CFAP58: variants seen among roughly 807,000 people sequenced by gnomAD.
CFAP58 encodes cilia- and flagella-associated protein 58.
A neutral mutation model predicts 119.5 loss-of-function variants in CFAP58; 88 were observed. That is an observed-to-expected ratio of 0.74 (90% CI 0.62 to 0.88). The LOEUF is 0.88. Among genes scored for constraint, CFAP58 ranks in the 40% least tolerant of loss-of-function variants. CFAP58 has a pLI of 0.00. For missense variants in CFAP58, 990 were observed against 1,021.2 expected (o/e 0.97, Z 0.42); for synonymous variants, 365 against 366.3 (o/e 1.00, Z 0.04).
At chr10:104,399,552 T>G (rs770922712) in intron 12 of CFAP58, 52 bp downstream of exon 12, 2 of 1,581,680 alleles carry the variant, frequency 1.3e-6, no homozygotes, top group Non-Finnish European at 1.7e-6. Context: ...ACACGGGTAT[T>G]TAATTCCACC....
At position 104,393,339 on chromosome 10, in the gene CFAP58, C is replaced by G. The variant is rs1226550846; in HGVS notation, c.1538C>G (p.Thr513Arg). The G allele has an allele frequency of 3.7e-6, 6 of 1,612,222 alleles. No homozygotes were observed. In the East Asian group the frequency reaches 1.3e-4, roughly 36 times the overall value. Reference sequence around the variant, plus strand: ...CTTTCATTTGGTTAGGATGAAATAACAGATATGAAGAGAAAGTTAAAGATT... The same window carrying G: ...CTTTCATTTGGTTAGGATGAAATAAGAGATATGAAGAGAAAGTTAAAGATT... ...KNLVEAQDEI[T>R]DMKRKLKIMI... Residue 513 changes from threonine (T) to arginine (R), a missense_variant, in exon 11 of 18, where the codon ACA (threonine) becomes AGA (arginine). Transcript: ENST00000369704.
chr10:104,401,330 A>G (rs968134891), intron 13 of CFAP58, among the ~76,000 whole-genome samples: 4 of 152,206 alleles, frequency 2.6e-5, no homozygotes, highest in Non-Finnish European at 5.9e-5. Context: ...GGAATTATAT[A>G]CAGGAAGAAA....
intron 15 of CFAP58, among the ~76,000 whole-genome samples, chr10:104,430,044 T>A (rs1446306152): frequency 6.6e-6 from 1 of 152,082 alleles, no homozygotes; most frequent in Non-Finnish European, 1.5e-5. Context: ...GGGCAGCACA[T>A]GAAAGGAGCT....
intron 9 of CFAP58, among the ~76,000 whole-genome samples, chr10:104,387,255 A>G (rs1008992411): frequency 6.6e-6 from 1 of 152,254 alleles, no homozygotes; most frequent in African/African-American, 2.4e-5. Flanking sequence ...ACAGAGGTTC[A>G]GCTGACCTAA....
intron 13 of CFAP58, among the ~76,000 whole-genome samples, chr10:104,402,656 G>A (rs535819350): frequency 1.3e-5 from 2 of 152,236 alleles, no homozygotes; most frequent in African/African-American, 4.8e-5. Flanking sequence ...AGATTTTAGC[G>A]GTGTGTTTCA....
intron 15 of CFAP58, among the ~76,000 whole-genome samples, chr10:104,418,038 A>G (rs11192047): frequency 0.031 from 4,701 of 152,338 alleles, 251 homozygotes; most frequent in African/African-American, 0.11. Context: ...TAATATCTCA[A>G]GACATATAAA....
chr10:104,412,000 G>GAGAGCTGCAATAT (rs1408437983), intron 15 of CFAP58, among the ~76,000 whole-genome samples: 1 of 152,134 alleles, frequency 6.6e-6, no homozygotes, highest in Non-Finnish European at 1.5e-5. Flanking sequence ...TCCCTCAGGG[G>GAGAGCTGCAATAT]AGAGCTGCAA....
chr10:104,340,411 A>G, the CFAP58 span, among the ~76,000 whole-genome samples: 126 of 152,210 alleles, frequency 8.3e-4, 1 homozygote, highest in African/African-American at 2.9e-3. Context: ...GTGCACATGC[A>G]TGTTATTTTG....
intron 15 of CFAP58, among the ~76,000 whole-genome samples, chr10:104,431,232 G>T (rs2012842442): frequency 6.6e-6 from 1 of 152,308 alleles, no homozygotes; most frequent in African/African-American, 2.4e-5. Flanking sequence ...GCTTATTCTA[G>T]GGATACAGAA....
chr10:104,452,015 A>G (rs1208753865), intron 17 of CFAP58, among the ~76,000 whole-genome samples: 1 of 152,130 alleles, frequency 6.6e-6, no homozygotes, highest in Non-Finnish European at 1.5e-5. Context: ...CTGGGATTAC[A>G]GGCATGAGCC....
intron 3 of CFAP58, 36 bp from the exon 4 acceptor site, chr10:104,364,697 G>A (rs2014718453): frequency 1.9e-6 from 3 of 1,605,908 alleles, no homozygotes; most frequent in Non-Finnish European, 1.7e-6. Context: ...TGAGCAGATG[G>A]CCATTTAGTC....
chr10:104,380,242 T>A, intron 9 of CFAP58, 22 bp downstream of exon 9: 1 of 1,604,078 alleles, frequency 6.2e-7, no homozygotes, highest in Non-Finnish European at 8.5e-7. Flanking sequence ...AGTGATGTTG[T>A]GGGTGGAGCA....
intron 7 of CFAP58, among the ~76,000 whole-genome samples, chr10:104,374,950 A>G (rs2014872451): frequency 6.6e-6 from 1 of 151,710 alleles, no homozygotes. Flanking sequence ...GTTTTTAAAA[A>G]TTCGGATGCT....
At chr10:104,421,094 G>A (rs2012650348) in intron 15 of CFAP58, among the ~76,000 whole-genome samples, 2 of 152,260 alleles carry the variant, frequency 1.3e-5, no homozygotes, top group Non-Finnish European at 2.9e-5. Flanking sequence ...ATTTAGGATT[G>A]AGACATCTTA....
At chr10:104,374,300 A>C (rs1291799968) in intron 7 of CFAP58, among the ~76,000 whole-genome samples, 1 of 147,856 alleles carries the variant, frequency 6.8e-6, no homozygotes, top group East Asian at 2.0e-4. Flanking sequence ...TCTCTACCAG[A>C]AAAAAAAAAG....
intron 13 of CFAP58, 23 bp downstream of exon 13, chr10:104,400,926 G>T (rs1167537327): frequency 6.3e-7 from 1 of 1,581,558 alleles, no homozygotes; most frequent in Admixed American, 1.7e-5. Context: ...AGAACTCAGG[G>T]CTGAAGGCAC....
At chr10:104,393,774 G>A (rs1369165599) in intron 11 of CFAP58, among the ~76,000 whole-genome samples, 1 of 152,208 alleles carries the variant, frequency 6.6e-6, no homozygotes, top group Non-Finnish European at 1.5e-5. Context: ...AACCTAGCAG[G>A]TTGGCAGTGC....
At chr10:104,441,193 A>G in intron 15 of CFAP58, among the ~76,000 whole-genome samples, 1 of 152,022 alleles carries the variant, frequency 6.6e-6, no homozygotes, top group East Asian at 1.9e-4. Context: ...TGTAGAGATG[A>G]GATTTTGCCA....
chr10:104,391,646 A>G (rs2133030651), intron 9 of CFAP58, among the ~76,000 whole-genome samples: 1 of 152,352 alleles, frequency 6.6e-6, no homozygotes, highest in South Asian at 2.1e-4. Context: ...GCTTGCAAAA[A>G]TGAGGCAGTA....
Sources: gnomAD v4.1 joint callset for allele counts (sites outside exome capture counted in the v4.1 genomes callset) on GRCh38, gnomAD v4.1.1 for gene constraint, MANE v1.5 for transcripts, NCBI Gene and HGNC (gene_info 2026-07-23, HGNC 2026-07-21) for gene names.